Variants in NXN observed in about 807,000 individuals in gnomAD.
The protein encoded by NXN is nucleoredoxin, also known as nucleoredoxin 1.
In NXN, 16 loss-of-function variants were observed where a neutral mutation model predicts 48.6. The observed-to-expected ratio is 0.33, with a 90% CI of 0.22 to 0.50. The LOEUF is 0.50. Among genes scored for constraint, NXN ranks in the 20% least tolerant of loss-of-function variants. NXN has a pLI of 0.98. For missense variants in NXN, 492 were observed against 605.5 expected (o/e 0.81, Z 1.97); for synonymous variants, 281 against 269.6 (o/e 1.04, Z -0.41).
Position 932,256 on chromosome 17 carries a change from C to A in NXN, c.360+47063G>T, listed in dbSNP as rs906101037. ...TCTGTCTACCTGCCCAGCTACCAAC[C>A]CAAACCGGCCTTGTTTTGGTCCTAG... is the stretch of plus-strand genomic sequence containing the variant. On this transcript the variant is annotated intron_variant, in intron 1 of 7. Coordinates refer to ENST00000336868, the MANE Select transcript of NXN (RefSeq NM_022463.5). This position sits in a 1 kb window ranked among gnomAD's most constrained non-coding sequence, Gnocchi z 4.1. Among the ~76,000 whole-genome samples the A allele has an allele frequency of 3.3e-5, 5 of 152,202 alleles. No individual in the cohort carries two copies. The highest frequency in any genetic ancestry group is 7.3e-5 in the Non-Finnish European group (5 of 68,036).
chr17:882,908 G>A (rs933004649), intron 1 of NXN, among the ~76,000 whole-genome samples: 29 of 151,956 alleles, frequency 1.9e-4, no homozygotes, highest in Non-Finnish European at 2.8e-4. Flanking sequence ...AATTACAGGC[G>A]CCCGCCACCA....
rs1459906217 is a variant in NXN, at chr17:800,970, C to T, written c.1287G>A (p.Lys429=). 2 of 1,508,110 alleles carry T rather than the reference C, an allele frequency of 1.3e-6. No homozygotes were observed. Among genetic ancestry groups the T allele is most frequent in the Non-Finnish European group, 1.8e-6 (2 of 1,123,092 alleles). The allele number at this position is 1,508,110 out of a possible 1,614,324, so 93.4% of individuals were successfully genotyped here. The change falls in exon 8 of 8, where the codon AAG becomes AAA. Residue 429 remains lysine (K), a synonymous_variant. Coordinates refer to ENST00000336868, the MANE Select transcript of NXN (RefSeq NM_022463.5). ...EAFVNDFLAE[K]LKPEPI is the part of the protein sequence containing the mutation. ...CACGCTAGATGGGCTCCGGTTTGAG[C>T]TTCTCTGCTAGGAAGTCATTCACAA...
Position 889,761 on chromosome 17 carries a change from A to AAGAAAGAG in NXN, c.361-63684_361-63683insCTCTTTCT, listed in dbSNP as rs1555619043. The stretch of plus-strand genomic sequence containing the variant: ...AAAGAAAGAAAGAAAGAAAGAAAGA[A>AAGAAAGAG]AAAGAAAGAAAGAAAAGAGAGAGAA... On this transcript the variant is annotated intron_variant, in intron 1 of 7. Transcript: ENST00000336868. 4.2e-5 allele frequency among the ~76,000 whole-genome samples: 3 copies of AAGAAAGAG among 70,828 alleles called. No homozygotes were observed. The East Asian group carries it at 1.0e-3, about 24-fold the overall frequency. The allele number at this position is 70,828 out of a possible 152,430, so 46.5% of individuals were successfully genotyped here.
intron 1 of NXN, among the ~76,000 whole-genome samples, chr17:868,706 A>C (rs998760002): frequency 6.6e-6 from 1 of 151,836 alleles, no homozygotes; most frequent in South Asian, 2.1e-4. Flanking sequence ...GTTAGCCAGG[A>C]TGGTCTCGAT....
At chr17:863,802 C>T in intron 1 of NXN, 1 of 692,654 alleles carries the variant, frequency 1.4e-6, no homozygotes, top group Non-Finnish European at 2.4e-6. Context: ...GAAAAAAGTC[C>T]ACATACAAAT....
intron 1 of NXN, among the ~76,000 whole-genome samples, chr17:957,639 A>C (rs1259854232): frequency 6.6e-6 from 1 of 151,558 alleles, no homozygotes; most frequent in Admixed American, 6.6e-5. Flanking sequence ...CTCAAAAAAA[A>C]AAAAAAGCAT....
intron 1 of NXN, among the ~76,000 whole-genome samples, chr17:876,011 G>A (rs561695496): frequency 2.6e-5 from 4 of 152,010 alleles, no homozygotes; most frequent in South Asian, 2.1e-4. Flanking sequence ...GTGAAACCCC[G>A]TCTCTACTAA....
chr17:820,591 G>A (rs1298863269), intron 4 of NXN, among the ~76,000 whole-genome samples: 33 of 67,688 alleles, frequency 4.9e-4, no homozygotes, highest in Non-Finnish European at 6.2e-4. Flanking sequence ...CAGCCCGGGC[G>A]ACAGAGCGAG....
intron 1 of NXN, among the ~76,000 whole-genome samples, chr17:951,041 T>C (rs933062771): frequency 6.6e-6 from 1 of 151,828 alleles, no homozygotes; most frequent in Non-Finnish European, 1.5e-5. Context: ...CTCCGCATTA[T>C]AAAAAGCACT....
intron 1 of NXN, chr17:864,009 A>G: frequency 6.5e-7 from 1 of 1,533,698 alleles, no homozygotes; most frequent in Non-Finnish European, 8.7e-7. Context: ...GAAAGGACAC[A>G]GTTACCGTTG....
chr17:922,425 C>A (rs989282097), intron 1 of NXN, among the ~76,000 whole-genome samples: 35 of 151,672 alleles, frequency 2.3e-4, no homozygotes, highest in African/African-American at 8.5e-4. Flanking sequence ...GCCTGGGCAA[C>A]AAGAGCAAAA....
At chr17:969,894 C>T (rs911441073) in intron 1 of NXN, among the ~76,000 whole-genome samples, 2 of 152,118 alleles carry the variant, frequency 1.3e-5, no homozygotes, top group Admixed American at 6.5e-5. Flanking sequence ...TGTTCGACAA[C>T]GATATGAGAT....
chr17:885,537 T>C lies in NXN; in HGVS notation c.361-59459A>G, dbSNP rs184975063. Among the ~76,000 whole-genome samples the C allele has an allele frequency of 2.8e-3, 426 of 151,938 alleles. 1 individual carries two copies. The highest frequency in any genetic ancestry group is 9.6e-3 in the African/African-American group (396 of 41,422). On this transcript the variant is annotated intron_variant, in intron 1 of 7. Transcript: ENST00000336868. ...TCAGGATTTCATAGTCCGTCTCCTA[T>C]GTCTAGTCTTTCATTTCTCATAATC... is the stretch of plus-strand genomic sequence containing the variant.
At chr17:877,601 G>A (rs755390743) in intron 1 of NXN, among the ~76,000 whole-genome samples, 5 of 152,114 alleles carry the variant, frequency 3.3e-5, no homozygotes, top group African/African-American at 9.7e-5. Context: ...AGACGGACGC[G>A]TACATAAACT....
At chr17:904,587 G>A (rs28674796) in intron 1 of NXN, among the ~76,000 whole-genome samples, 34,179 of 151,990 alleles carry the variant, frequency 0.22, 4,143 homozygotes, top group Middle Eastern at 0.31. Flanking sequence ...TCTGTCACCC[G>A]GGCTGGGGTG....
intron 1 of NXN, among the ~76,000 whole-genome samples, chr17:834,932 C>T (rs1913707034): frequency 6.6e-6 from 1 of 150,584 alleles, no homozygotes; most frequent in South Asian, 2.1e-4. Flanking sequence ...GCCACCACGC[C>T]TGGCCCCAGG....
chr17:890,592 AGGATG>A (rs34499617), intron 1 of NXN, among the ~76,000 whole-genome samples: 29,460 of 151,584 alleles, frequency 0.19, 5,145 homozygotes, highest in African/African-American at 0.47. Context: ...CTTGTTAGCC[AGGATG>A]GTCTCGATCT....
At chr17:824,945 G>A (rs539730683) in intron 2 of NXN, among the ~76,000 whole-genome samples, 12 of 152,168 alleles carry the variant, frequency 7.9e-5, no homozygotes, top group East Asian at 1.9e-4. Flanking sequence ...GGATCCACAC[G>A]GGGACCAGGC....
intron 1 of NXN, among the ~76,000 whole-genome samples, chr17:870,629 C>T (rs1172535066): frequency 6.6e-6 from 1 of 151,942 alleles, no homozygotes; most frequent in African/African-American, 2.4e-5. Context: ...GTGTCCCGTG[C>T]CTGTAGTCCC....
Sources: allele counts gnomAD v4.1 joint callset (sites outside exome capture counted in the v4.1 genomes callset), GRCh38; gene constraint gnomAD v4.1.1; non-coding constraint Gnocchi (gnomAD v3.1); transcripts MANE v1.5; gene names NCBI Gene and HGNC (gene_info 2026-07-23, HGNC 2026-07-21).